THSD7B: variants seen among roughly 807,000 people sequenced by gnomAD.
THSD7B encodes the protein thrombospondin type 1 domain containing 7B.
THSD7B carries 138 observed loss-of-function variants against 213.6 expected under a neutral mutation model. The observed-to-expected ratio is 0.65, with a 90% CI of 0.56 to 0.74. The LOEUF is 0.74. THSD7B is among the 30% of genes least tolerant of loss of function. The pLI is 0.00. For missense variants in THSD7B, 1,931 were observed against 1,991.5 expected, an observed-to-expected ratio of 0.97 and a Z score of 0.58; for synonymous variants, 742 against 687.0, an observed-to-expected ratio of 1.08 and a Z score of -1.25.
chr2:137,415,652 T>C (rs1686777483), intron 14 of THSD7B, among the ~76,000 whole-genome samples: 1 of 146,742 alleles, frequency 6.8e-6, no homozygotes, highest in Non-Finnish European at 1.5e-5. Context: ...CAACCATGTT[T>C]CTTATATCAG....
intron 20 of THSD7B, among the ~76,000 whole-genome samples, chr2:137,636,384 C>T (rs1273958185): frequency 6.6e-6 from 1 of 152,172 alleles, no homozygotes; most frequent in African/African-American, 2.4e-5. Flanking sequence ...TATGTTCAAG[C>T]TGTGAAAGTC....
At chr2:137,614,172 G>A (rs1277975856) in intron 17 of THSD7B, among the ~76,000 whole-genome samples, 1 of 152,084 alleles carries the variant, frequency 6.6e-6, no homozygotes, top group Non-Finnish European at 1.5e-5. Context: ...GGTATGAAAT[G>A]TGGATTACCT....
Position 137,609,483 on chromosome 2 carries a change from A to C in THSD7B, c.3424-6692A>C, listed in dbSNP as rs1682247975. On this transcript the variant is annotated intron_variant, in intron 17 of 27. Transcript: ENST00000409968. The stretch of plus-strand genomic sequence containing the variant: ...AGCATTGCAGGCAGAGGGAACAGCA[A>C]GATCAAGGCCCTGGGGCAAGGAAAT... 2.6e-5 allele frequency among the ~76,000 whole-genome samples: 4 copies of C among 152,314 alleles called. No individual in the cohort carries two copies. In the South Asian group the frequency reaches 8.3e-4, roughly 32 times the overall value.
rs1243697979 is a variant in THSD7B, at chr2:137,066,115, A to T, written c.950+8885A>T. Among the ~76,000 whole-genome samples the T allele has an allele frequency of 3.3e-5, 5 of 151,438 alleles. No homozygotes were observed. The South Asian group carries it at 8.3e-4, about 25-fold the overall frequency. ...AAGTCTATTCCTCAATTTTTATATG[A>T]GAAAATCTTTATTTCTCCTTTATTT... On this transcript the variant is annotated intron_variant, in intron 3 of 27. Transcript: ENST00000409968.
At chr2:137,365,152 A>G (rs894897695) in intron 12 of THSD7B, among the ~76,000 whole-genome samples, 1 of 152,234 alleles carries the variant, frequency 6.6e-6, no homozygotes. Flanking sequence ...AGGATTCCCT[A>G]TTCAATAAAC....
chr2:137,486,835 A>G (rs1214931751), intron 15 of THSD7B, among the ~76,000 whole-genome samples: 3 of 152,162 alleles, frequency 2.0e-5, no homozygotes, highest in Admixed American at 1.3e-4. Flanking sequence ...CAGGATTAAG[A>G]AACTCACTCA....
intron 15 of THSD7B, among the ~76,000 whole-genome samples, chr2:137,560,453 A>G (rs1410767201): frequency 6.6e-6 from 1 of 152,168 alleles, no homozygotes; most frequent in East Asian, 1.9e-4. Context: ...TCAGCAAACT[A>G]TCTCAAGGAG....
chr2:137,658,126 A>G (rs1683274459), intron 24 of THSD7B, among the ~76,000 whole-genome samples: 1 of 152,236 alleles, frequency 6.6e-6, no homozygotes, highest in African/African-American at 2.4e-5. Flanking sequence ...TAGGAATAGA[A>G]GTATTGTCAG....
At chr2:137,101,027 A>C (rs1688140662) in intron 4 of THSD7B, among the ~76,000 whole-genome samples, 1 of 152,004 alleles carries the variant, frequency 6.6e-6, no homozygotes. Flanking sequence ...TTCTCCTATT[A>C]GTTTTCTTTT....
chr2:136,781,645 C>A (rs1331849342), intron 1 of THSD7B, among the ~76,000 whole-genome samples: 1 of 152,024 alleles, frequency 6.6e-6, no homozygotes, highest in Non-Finnish European at 1.5e-5. Context: ...TGGCCCCTCC[C>A]CTCTTCCTGT....
At chr2:137,064,610 T>G (rs1687341954) in intron 3 of THSD7B, among the ~76,000 whole-genome samples, 1 of 152,028 alleles carries the variant, frequency 6.6e-6, no homozygotes, top group African/African-American at 2.4e-5. Context: ...CAGTGTTTTT[T>G]TGATTCTTTT....
chr2:137,621,683 A>G (rs897082033), intron 20 of THSD7B, among the ~76,000 whole-genome samples: 2 of 152,224 alleles, frequency 1.3e-5, no homozygotes, highest in East Asian at 3.9e-4. Context: ...AATATATCAT[A>G]AGGTAGATGT....
At chr2:137,261,424 G>C (rs1682446482) in intron 10 of THSD7B, among the ~76,000 whole-genome samples, 1 of 152,056 alleles carries the variant, frequency 6.6e-6, no homozygotes, top group Admixed American at 6.6e-5. Context: ...CTAACTACTT[G>C]ATATTTCATT....
At chr2:136,928,570 G>A (rs1398337545) in intron 2 of THSD7B, among the ~76,000 whole-genome samples, 1 of 152,166 alleles carries the variant, frequency 6.6e-6, no homozygotes, top group Non-Finnish European at 1.5e-5. Context: ...AGGTTGGAAG[G>A]TGAATTCTTG....
intron 1 of THSD7B, among the ~76,000 whole-genome samples, chr2:136,841,178 G>T (rs780995087): frequency 1.2e-4 from 18 of 152,164 alleles, no homozygotes; most frequent in Admixed American, 2.0e-4. Context: ...TTTACAGTGG[G>T]AAATATCAGA....
intron 2 of THSD7B, among the ~76,000 whole-genome samples, chr2:136,956,037 GAAAAA>G (rs397985964): frequency 2.4e-5 from 3 of 126,666 alleles, no homozygotes; most frequent in East Asian, 2.8e-4. Flanking sequence ...AAAAAAAAAA[GAAAAA>G]AAAAAAAAAG....
At chr2:136,932,567 T>G (rs1684649016) in intron 2 of THSD7B, among the ~76,000 whole-genome samples, 1 of 152,216 alleles carries the variant, frequency 6.6e-6, no homozygotes, top group South Asian at 2.1e-4. Flanking sequence ...TACCATATTC[T>G]TACAATTAAG....
rs191008195 is a variant in THSD7B at position 137,346,378 on chromosome 2, G to A, written c.2501-59235G>A. On this transcript the variant is annotated intron_variant, in intron 12 of 27. Transcript: ENST00000409968. ...GTTTATTTCCCTTAGCATGATGTCC[G>A]CCAGGTTCATTCGTGTTGTAACATA... is the stretch of plus-strand genomic sequence containing the variant. Among the ~76,000 whole-genome samples the A allele has an allele frequency of 5.3e-5, 8 of 151,424 alleles. No individual in the cohort carries two copies. The East Asian group carries it at 7.8e-4, about 15-fold the overall frequency.
intron 2 of THSD7B, among the ~76,000 whole-genome samples, chr2:137,007,958 T>A (rs567169901): frequency 6.6e-6 from 1 of 152,156 alleles, no homozygotes; most frequent in Non-Finnish European, 1.5e-5. Context: ...ATGAACATGA[T>A]TGATACTAGT....
Sources: gnomAD v4.1 joint callset for allele counts (sites outside exome capture counted in the v4.1 genomes callset) on GRCh38, gnomAD v4.1.1 for gene constraint, MANE v1.5 for transcripts, NCBI Gene and HGNC (gene_info 2026-07-23, HGNC 2026-07-21) for gene names.